The following FMR1NB variants were observed in gnomAD, a reference collection of about 807,000 sequenced individuals.
The protein encoded by FMR1NB is FMR1 neighbor protein.
In FMR1NB, 10 loss-of-function variants were observed where a neutral mutation model predicts 16.8. That is an observed-to-expected ratio of 0.60 (90% CI 0.37 to 1.01). FMR1NB has a LOEUF of 1.01. FMR1NB is among the 50% of genes least tolerant of loss of function. The pLI, the probability that FMR1NB is intolerant of heterozygous loss-of-function variation, is 0.01. For missense variants in FMR1NB, 205 were observed against 204.8 expected (o/e 1.00, Z 0.00); for synonymous variants, 83 against 79.1 (o/e 1.05, Z -0.26).
At chrX:148,009,262 A>G (rs182267808) in intron 4 of FMR1NB, among the ~76,000 whole-genome samples, 6 of 111,617 alleles carry the variant, frequency 5.4e-5, no homozygotes, top group African/African-American at 2.0e-4. Context: ...TCCCTTATGA[A>G]ACAAACCCAC....
At chrX:148,007,517 T>C (rs1557189255) in intron 3 of FMR1NB, among the ~76,000 whole-genome samples, 1 of 111,844 alleles carries the variant, frequency 8.9e-6, no homozygotes. Flanking sequence ...CTCCAACTCT[T>C]GGGTTCCAGC....
chrX:147,982,872 C>T (rs1445527112), intron 1 of FMR1NB, among the ~76,000 whole-genome samples: 7 of 111,381 alleles, frequency 6.3e-5, no homozygotes, highest in Admixed American at 9.5e-5. Context: ...CCAGCTTGGG[C>T]GACAGAGCGA....
At chrX:148,008,509 C>T in intron 3 of FMR1NB, 109 bp from the exon 4 acceptor site, 3 of 659,526 alleles carry the variant, frequency 4.5e-6, no homozygotes, top group Non-Finnish European at 4.6e-6. Context: ...AATACCTCCT[C>T]ATTTCACTTT....
chrX:148,005,964 A>G (rs1420967580), intron 2 of FMR1NB, among the ~76,000 whole-genome samples: 1 of 112,112 alleles, frequency 8.9e-6, no homozygotes, highest in Non-Finnish European at 1.9e-5. Flanking sequence ...TAACACATAG[A>G]CATACTGTGG....
intron 1 of FMR1NB, among the ~76,000 whole-genome samples, chrX:147,982,588 CAAAAAAAAAAAA>C (rs79206034): frequency 3.5e-5 from 1 of 28,468 alleles, no homozygotes; most frequent in Non-Finnish European, 5.8e-5. Flanking sequence ...GACTCCGTCT[CAAAAAAAAAAAA>C]AAAAAAAAAA....
chrX:148,022,343 C>T (rs782179822), intron 4 of FMR1NB, among the ~76,000 whole-genome samples: 1 of 111,775 alleles, frequency 8.9e-6, no homozygotes, highest in Admixed American at 9.5e-5. Context: ...CTTCTACCAA[C>T]CTCTGATTAC....
At chrX:148,023,077 C>G (rs1557190721) in intron 4 of FMR1NB, among the ~76,000 whole-genome samples, 1 of 111,225 alleles carries the variant, frequency 9.0e-6, no homozygotes, top group African/African-American at 3.3e-5. Flanking sequence ...AGAAATGTTA[C>G]TGTGTTTGAT....
chrX:148,001,631 T>C (rs1254837217), intron 1 of FMR1NB, among the ~76,000 whole-genome samples: 1 of 110,236 alleles, frequency 9.1e-6, no homozygotes, highest in Non-Finnish European at 1.9e-5. Context: ...ATGCCTGTAA[T>C]CTCAGCTACT....
At chrX:148,002,786 T>C (rs1217240203) in intron 1 of FMR1NB, among the ~76,000 whole-genome samples, 1 of 112,004 alleles carries the variant, frequency 8.9e-6, no homozygotes, top group Non-Finnish European at 1.9e-5. Flanking sequence ...ATAAGGAAGG[T>C]TTTACTGTAT....
chrX:148,013,483 A>G (rs1275596702), intron 4 of FMR1NB, among the ~76,000 whole-genome samples: 1 of 111,854 alleles, frequency 8.9e-6, no homozygotes, highest in East Asian at 2.8e-4. Flanking sequence ...CCTTACTCCC[A>G]TTTATCAGAA....
At chrX:148,000,980 G>A (rs782067862) in intron 1 of FMR1NB, among the ~76,000 whole-genome samples, 1 of 112,075 alleles carries the variant, frequency 8.9e-6, no homozygotes, top group South Asian at 3.7e-4. Context: ...GAATGAAACT[G>A]AAGAACAATG....
intron 1 of FMR1NB, among the ~76,000 whole-genome samples, chrX:148,001,770 GATAAA>G (rs1369109506): frequency 3.6e-5 from 4 of 110,628 alleles, no homozygotes; most frequent in Non-Finnish European, 7.6e-5. Context: ...TAAAAGAAAA[GATAAA>G]ATAAACAATA....
chrX:147,995,081 C>T, intron 1 of FMR1NB, among the ~76,000 whole-genome samples: 1 of 111,835 alleles, frequency 8.9e-6, no homozygotes, highest in South Asian at 3.8e-4. Flanking sequence ...GACACCCATA[C>T]AGGAAAGACT....
intron 1 of FMR1NB, among the ~76,000 whole-genome samples, chrX:147,996,133 T>G (rs1399783581): frequency 2.7e-5 from 3 of 111,937 alleles, no homozygotes; most frequent in Non-Finnish European, 5.6e-5. Context: ...TAGTTATAAA[T>G]GGAAAGTTGA....
chrX:148,017,288 T>C (rs1358414240), intron 4 of FMR1NB, among the ~76,000 whole-genome samples: 2 of 111,324 alleles, frequency 1.8e-5, no homozygotes, highest in Non-Finnish European at 3.8e-5. Flanking sequence ...TTAGTGCTTT[T>C]AGGATCTGTT....
At chrX:148,003,570 T>C (rs919744367) in intron 2 of FMR1NB, among the ~76,000 whole-genome samples, 1 of 112,396 alleles carries the variant, frequency 8.9e-6, no homozygotes, top group East Asian at 2.8e-4. Context: ...ATTTCATAAA[T>C]GTTTGTTACT....
intron 1 of FMR1NB, among the ~76,000 whole-genome samples, chrX:147,990,277 G>A (rs2044497754): frequency 9.0e-6 from 1 of 111,077 alleles, no homozygotes; most frequent in African/African-American, 3.3e-5. Context: ...CAGGTAAGGC[G>A]ACACCCCACC....
intron 1 of FMR1NB, among the ~76,000 whole-genome samples, chrX:147,993,158 C>T (rs981958576): frequency 1.5e-4 from 17 of 112,677 alleles, no homozygotes; most frequent in Non-Finnish European, 3.0e-4. Flanking sequence ...ACTCCGTCTG[C>T]AATTCCGGCA....
chrX:147,982,965 G>A (rs1024840497), intron 1 of FMR1NB, among the ~76,000 whole-genome samples: 1 of 111,987 alleles, frequency 8.9e-6, no homozygotes, highest in African/African-American at 3.2e-5. Flanking sequence ...AACAATTAAA[G>A]GGATTTCGTT....
Sources: gnomAD v4.1 joint callset for allele counts (sites outside exome capture counted in the v4.1 genomes callset) on GRCh38, gnomAD v4.1.1 for gene constraint, MANE v1.5 for transcripts, NCBI Gene and HGNC (gene_info 2026-07-23, HGNC 2026-07-21) for gene names.